Variants in INPP4B observed in about 807,000 individuals in gnomAD.
INPP4B encodes inositol polyphosphate-4-phosphatase type II B, also known as inositol polyphosphate 4-phosphatase type II.
In INPP4B, 55 loss-of-function variants were observed where a neutral mutation model predicts 122.5. The ratio of observed to expected loss-of-function variants is 0.45; its 90% confidence interval spans 0.36 to 0.56. INPP4B has a LOEUF of 0.56. Among genes scored for constraint, INPP4B ranks in the 20% least tolerant of loss-of-function variants. The probability of loss-of-function intolerance (pLI) is 0.00; values close to 1 mark genes in which losing one functional copy is unlikely to be tolerated. For synonymous variants in INPP4B, 403 were observed against 388.7 expected (o/e 1.04, Z -0.43); for missense variants, 1,000 against 1,097.7 (o/e 0.91, Z 1.26).
chr4:142,573,791 C>T (rs1349040819), intron 2 of INPP4B, among the ~76,000 whole-genome samples: 1 of 152,074 alleles, frequency 6.6e-6, no homozygotes, highest in East Asian at 1.9e-4. Flanking sequence ...TATTGGATTA[C>T]TGCCACCATT....
chr4:142,506,496 A>G (rs960420665), intron 2 of INPP4B, among the ~76,000 whole-genome samples: 5 of 152,186 alleles, frequency 3.3e-5, no homozygotes, highest in Admixed American at 2.6e-4. Context: ...GCAGCCTGTT[A>G]TAGAAAATCC....
At chr4:142,223,117 C>T (rs375423979) in intron 12 of INPP4B, among the ~76,000 whole-genome samples, 9 of 151,886 alleles carry the variant, frequency 5.9e-5, no homozygotes, top group Admixed American at 3.3e-4. Flanking sequence ...GTAAATTGGG[C>T]CATGTCATAT....
At chr4:142,182,051 T>C (rs866557034) in intron 15 of INPP4B, among the ~76,000 whole-genome samples, 1 of 152,210 alleles carries the variant, frequency 6.6e-6, no homozygotes, top group African/African-American at 2.4e-5. Context: ...ATTAAGAGGA[T>C]GTCATGTGTT....
In INPP4B at chr4:142,498,145, ACATATGTGTATACATATATATG is replaced by A. The variant is rs1822866950; in HGVS notation, c.-190-35441_-190-35420del. 3.3e-5 allele frequency among the ~76,000 whole-genome samples: 5 copies of A among 149,320 alleles called. No homozygotes were observed. In the East Asian group the frequency reaches 9.8e-4, roughly 29 times the overall value. On this transcript the variant is annotated intron_variant, in intron 2 of 25. Transcript: ENST00000262992. ...TACACACACACATATATGTATACAT[ACATATGTGTATACATATATATG>A]TATGTATACATACATATGTATGTGT...
rs1579055364 is a variant in INPP4B, at chr4:142,141,509, A to G, written c.1720+4331T>C. Reference sequence around the variant, plus strand: ...ATCTTCATTCATTAGGAAACCACATAAATATATATAAACTGTAGAACTTTG... The same window carrying G: ...ATCTTCATTCATTAGGAAACCACATGAATATATATAAACTGTAGAACTTTG... On this transcript the variant is annotated intron_variant, in intron 18 of 25. Transcript: ENST00000262992. Among the ~76,000 whole-genome samples, 3 of 152,232 alleles carry G rather than the reference A, an allele frequency of 2.0e-5. No individual in the cohort carries two copies. In the East Asian group the frequency reaches 5.8e-4, roughly 29 times the overall value.
Position 142,115,185 on chromosome 4 carries a change from T to C in INPP4B, c.2136-2503A>G, listed in dbSNP as rs528295558. Among the ~76,000 whole-genome samples, 150 of 152,214 alleles carry C rather than the reference T, an allele frequency of 9.9e-4. 3 individuals carry two copies. The highest frequency in any genetic ancestry group is 2.8e-3 in the African/African-American group (116 of 41,552). On this transcript the variant is annotated intron_variant, in intron 21 of 25. Coordinates refer to ENST00000262992, the MANE Select transcript of INPP4B (RefSeq NM_001101669.3). ...GTGAAAAGACCAAATCTACATCTGA[T>C]TGGTTTACCTGAAAGTGACAGGGAC...
At chr4:142,258,316 C>G (rs1362089365) in intron 11 of INPP4B, among the ~76,000 whole-genome samples, 1 of 151,882 alleles carries the variant, frequency 6.6e-6, no homozygotes, top group Non-Finnish European at 1.5e-5. Flanking sequence ...GTCTAAAACA[C>G]CAAAAGCAAT....
intron 2 of INPP4B, among the ~76,000 whole-genome samples, chr4:142,519,627 AATT>A (rs2149910683): frequency 6.6e-6 from 1 of 152,266 alleles, no homozygotes; most frequent in East Asian, 1.9e-4. Flanking sequence ...ATTTTTACAC[AATT>A]ATTAACTGTA....
chr4:142,270,834 C>A (rs1264849331), intron 9 of INPP4B, 60 bp from the exon 10 acceptor site: 2 of 1,095,908 alleles, frequency 1.8e-6, no homozygotes, highest in East Asian at 4.7e-5. Flanking sequence ...CCAAAAATAT[C>A]CAAAACACAT....
chr4:142,685,312 GGAGAA>G (rs1759188697), intron 2 of INPP4B, among the ~76,000 whole-genome samples: 1 of 110,890 alleles, frequency 9.0e-6, no homozygotes, highest in Non-Finnish European at 2.2e-5. Flanking sequence ...ACTGAAGAGA[GGAGAA>G]AAAAAGCCAA....
chr4:142,256,551 C>T (rs969487632), intron 11 of INPP4B, among the ~76,000 whole-genome samples: 4 of 152,144 alleles, frequency 2.6e-5, no homozygotes, highest in African/African-American at 9.7e-5. Context: ...GAAATACAAA[C>T]TACCATCAGA....
intron 25 of INPP4B, among the ~76,000 whole-genome samples, chr4:142,071,443 A>G (rs1767248275): frequency 6.6e-6 from 1 of 152,214 alleles, no homozygotes; most frequent in Admixed American, 6.5e-5. Flanking sequence ...CTTCATGTCT[A>G]AAACACCAAA....
At chr4:142,423,581 C>A (rs1807388795) in intron 5 of INPP4B, 2 of 205,032 alleles carry the variant, frequency 9.8e-6, no homozygotes, top group Non-Finnish European at 9.9e-6. Context: ...TATTTATAGC[C>A]ACGATAATAT....
At position 142,108,097 on chromosome 4, in the gene INPP4B, A is replaced by G. The variant is rs1364250175; in HGVS notation, c.2370T>C (p.Pro790=). The part of the protein sequence containing the change: ...YYKIFMEKMP[P]DYISHFQEQN... ...TTCTCTAACTCACATACTTACAATC[A>G]GGAGGCATCTTTTCCATAAATATCT... Residue 790 remains proline (P), a synonymous_variant, in exon 23 of 26, where the codon CCT becomes CCC. Transcript: ENST00000262992. 1 of 1,469,112 alleles carries G rather than the reference A, an allele frequency of 6.8e-7. No homozygotes were observed. Among genetic ancestry groups the G allele is most frequent in the Admixed American group, 1.7e-5 (1 of 58,806 alleles). 91.0% of individuals were successfully genotyped at this position (1,469,112 alleles called of 1,614,324 possible).
intron 1 of INPP4B, among the ~76,000 whole-genome samples, chr4:142,820,466 C>T (rs1780667485): frequency 6.6e-6 from 1 of 152,138 alleles, no homozygotes; most frequent in Non-Finnish European, 1.5e-5. Flanking sequence ...GAGGCCCTCA[C>T]AGCAGATGCT....
At chr4:142,540,465 A>G (rs966305300) in intron 2 of INPP4B, among the ~76,000 whole-genome samples, 2 of 152,046 alleles carry the variant, frequency 1.3e-5, no homozygotes, top group Non-Finnish European at 2.9e-5. Flanking sequence ...GAGTTAAAAT[A>G]TCTAGCAATC....
At chr4:142,473,579 C>T (rs1819278598) in intron 2 of INPP4B, among the ~76,000 whole-genome samples, 1 of 152,194 alleles carries the variant, frequency 6.6e-6, no homozygotes, top group Admixed American at 6.5e-5. Context: ...CAGAGCAGAC[C>T]ATCACCAGCA....
intron 25 of INPP4B, among the ~76,000 whole-genome samples, chr4:142,054,917 T>G (rs1234562541): frequency 6.6e-6 from 1 of 152,050 alleles, no homozygotes; most frequent in Non-Finnish European, 1.5e-5. Flanking sequence ...CCACTCAGCT[T>G]GCATGGCTGC....
At chr4:142,314,622 T>C (rs1428350785) in intron 8 of INPP4B, 90 bp downstream of exon 8, 2 of 1,193,392 alleles carry the variant, frequency 1.7e-6, no homozygotes, top group African/African-American at 3.1e-5. Flanking sequence ...CAATTTTATT[T>C]GTCAGTTACC....
Sources: allele counts gnomAD v4.1 joint callset (sites outside exome capture counted in the v4.1 genomes callset), GRCh38; gene constraint gnomAD v4.1.1; transcripts MANE v1.5; gene names NCBI Gene and HGNC (gene_info 2026-07-23, HGNC 2026-07-21).